Variants in SPTBN1 observed in about 807,000 individuals in gnomAD.
The protein encoded by SPTBN1 is spectrin beta chain, non-erythrocytic 1.
SPTBN1 carries 32 observed loss-of-function variants against 266.4 expected under a neutral mutation model. That is an observed-to-expected ratio of 0.12 (90% confidence interval 0.09 to 0.16). The LOEUF is 0.16. Among genes scored for constraint, SPTBN1 ranks in the 10% least tolerant of loss-of-function variants. SPTBN1 has a pLI of 1.00. For missense variants in SPTBN1, 2,296 were observed against 3,067.1 expected, an observed-to-expected ratio of 0.75 and a Z score of 5.94; for synonymous variants, 1,336 against 1,162.2, an observed-to-expected ratio of 1.15 and a Z score of -3.04.
chr2:54,596,440 T>C (rs1403864225), intron 2 of SPTBN1, among the ~76,000 whole-genome samples: 1 of 152,204 alleles, frequency 6.6e-6, no homozygotes, highest in Non-Finnish European at 1.5e-5. Flanking sequence ...GACTGGGGCT[T>C]TGTGTGTCTC....
intron 1 of SPTBN1, among the ~76,000 whole-genome samples, chr2:54,496,712 C>G (rs149915891): frequency 1.8e-3 from 272 of 152,310 alleles, no homozygotes; most frequent in African/African-American, 5.6e-3. Flanking sequence ...TAATAACAAG[C>G]TATCACTTTG....
At position 54,630,848 on chromosome 2, in the gene SPTBN1, C is replaced by T. The variant is rs1678685487; in HGVS notation, c.2808-7C>T. 4 of 1,564,232 alleles carry T rather than the reference C, an allele frequency of 2.6e-6. No homozygotes were observed. The highest frequency in any genetic ancestry group is 4.5e-5 in the East Asian group (2 of 44,398). On this transcript the variant is annotated splice_polypyrimidine_tract_variant and splice_region_variant and intron_variant, in intron 15 of 35. Coordinates refer to ENST00000356805, the MANE Select transcript of SPTBN1 (RefSeq NM_003128.3). The stretch of plus-strand genomic sequence containing the variant: ...TTCACACTCGCTGTCTGCCCCTGCA[C>T]TCACAGGTGGAGCCAGTTCAGAGAA...
chr2:54,666,987 G>T (rs1437484222), intron 34 of SPTBN1, among the ~76,000 whole-genome samples: 2 of 152,202 alleles, frequency 1.3e-5, no homozygotes, highest in African/African-American at 4.8e-5. Context: ...CCTTCATGCA[G>T]CTTCAGAGAG....
intron 12 of SPTBN1, 138 bp from the exon 13 acceptor site, chr2:54,627,959 C>A: frequency 1.1e-6 from 1 of 940,322 alleles, no homozygotes; most frequent in South Asian, 2.2e-5. Flanking sequence ...CATCATCTTC[C>A]CCTGAAGGTG....
chr2:54,581,371 C>A (rs1234420951), intron 2 of SPTBN1, among the ~76,000 whole-genome samples: 1 of 152,102 alleles, frequency 6.6e-6, no homozygotes, highest in Admixed American at 6.5e-5. Context: ...ATAGGGTCGT[C>A]CGTGAGACAC....
intron 29 of SPTBN1, 140 bp from the exon 30 acceptor site, chr2:54,657,710 G>T: frequency 1.0e-6 from 1 of 970,994 alleles, no homozygotes; most frequent in Non-Finnish European, 1.5e-6. Flanking sequence ...CATTTACATT[G>T]GACAGGGCTA....
At chr2:54,542,509 T>G (rs1283265929) in intron 2 of SPTBN1, among the ~76,000 whole-genome samples, 2 of 152,222 alleles carry the variant, frequency 1.3e-5, no homozygotes, top group Non-Finnish European at 2.9e-5. Flanking sequence ...GGAGTTACGC[T>G]AGAAGCAGCA....
Position 54,576,074 on chromosome 2 carries a change from A to ATTTTTTTTTTTTTTTTTTTTTTTT in SPTBN1, c.149-23018_149-23017insTTTTTTTTTTTTTTTTTTTTTTTT, listed in dbSNP as rs1209132160. Among the ~76,000 whole-genome samples the ATTTTTTTTTTTTTTTTTTTTTTTT allele has an allele frequency of 5.8e-4, 54 of 93,854 alleles. 12 individuals are homozygous for ATTTTTTTTTTTTTTTTTTTTTTTT. The highest frequency in any genetic ancestry group is 1.2e-3 in the African/African-American group (29 of 24,760). The allele number at this position is 93,854 out of a possible 152,430, so 61.6% of individuals were successfully genotyped here. On this transcript the variant is annotated intron_variant, in intron 2 of 35. Coordinates refer to ENST00000356805, the MANE Select transcript of SPTBN1 (RefSeq NM_003128.3). ...ATCCAGCTTTTTTTTTTTTTTTTTG[A>ATTTTTTTTTTTTTTTTTTTTTTTT]GAGACAGTCTGGCTGTGTCTCCCAG...
chr2:54,482,502 GC>G (rs1668151353), intron 1 of SPTBN1, among the ~76,000 whole-genome samples: 1 of 152,194 alleles, frequency 6.6e-6, no homozygotes, highest in Non-Finnish European at 1.5e-5. Context: ...TGTAACATAA[GC>G]CAAGTATGCA....
chr2:54,637,071 T>G (rs1375240748), intron 17 of SPTBN1, among the ~76,000 whole-genome samples: 1 of 152,234 alleles, frequency 6.6e-6, no homozygotes, highest in Non-Finnish European at 1.5e-5. Flanking sequence ...CCCCTTTACC[T>G]TAGCGTTTAC....
chr2:54,623,428 G>A (rs1572699721), intron 9 of SPTBN1, 51 bp from the exon 10 acceptor site: 3 of 1,527,356 alleles, frequency 2.0e-6, no homozygotes, highest in Non-Finnish European at 1.8e-6. Flanking sequence ...GCATGACAGT[G>A]TGAAATTTTT....
chr2:54,578,343 CT>C (rs1428637024), intron 2 of SPTBN1, among the ~76,000 whole-genome samples: 2 of 152,184 alleles, frequency 1.3e-5, no homozygotes, highest in Non-Finnish European at 1.5e-5. Context: ...TTTTTCTTGA[CT>C]TTAAATATTT....
chr2:54,560,949 C>T (rs1673256781), intron 2 of SPTBN1, among the ~76,000 whole-genome samples: 1 of 152,140 alleles, frequency 6.6e-6, no homozygotes, highest in Non-Finnish European at 1.5e-5. Context: ...TCTTTAATTC[C>T]CATCCCTGGT....
In SPTBN1 at chr2:54,649,353, A is replaced by G. The variant is rs941566458; in HGVS notation, c.5202+163A>G. 2.0e-5 allele frequency among the ~76,000 whole-genome samples: 3 copies of G among 152,166 alleles called. No individual in the cohort carries two copies. Among genetic ancestry groups the G allele is most frequent in the Non-Finnish European group, 2.9e-5 (2 of 68,026 alleles). On this transcript the variant is annotated intron_variant, in intron 25 of 35. Transcript: ENST00000356805. The surrounding 1 kb of genome is among the most constrained non-coding windows in gnomAD (Gnocchi z 6.7). The stretch of plus-strand genomic sequence containing the variant: ...TTTCTTTTATAAGCTGGTGACTCGC[A>G]TTTAGGTTGGCTAACCTCTCTGTGC...
At position 54,558,745 on chromosome 2, in the gene SPTBN1, G is replaced by T. The variant is rs1394303592; in HGVS notation, c.148+32179G>T. ...GGAGGGGGCTGGAGCGAGATTTCCA[G>T]GGCGCAGTCCTCCGGGGCGTTACGC... On this transcript the variant is annotated intron_variant, in intron 2 of 35. Transcript: ENST00000356805. This position sits in a 1 kb window ranked among gnomAD's most constrained non-coding sequence, Gnocchi z 4.6. The T allele has an allele frequency of 1.9e-6, 3 of 1,600,804 alleles. No homozygotes were observed. Among genetic ancestry groups the T allele is most frequent in the African/African-American group, 1.3e-5 (1 of 74,664 alleles).
At chr2:54,656,258 C>T (rs1680648228) in intron 29 of SPTBN1, among the ~76,000 whole-genome samples, 2 of 152,216 alleles carry the variant, frequency 1.3e-5, no homozygotes, top group East Asian at 1.9e-4. Context: ...AGGGCACCTC[C>T]CTGGGAGAAT....
In SPTBN1 at chr2:54,483,536, G is replaced by C. The variant is rs185701605; in HGVS notation, c.-48+27018G>C. ...TGTCTGGAAGCCCGCAGTCTGGTCT[G>C]TACCATCCAGGCTCTTTGCTGTGCC... On this transcript the variant is annotated intron_variant, in intron 1 of 35. Coordinates refer to ENST00000356805, the MANE Select transcript of SPTBN1 (RefSeq NM_003128.3). Among the ~76,000 whole-genome samples, 700 of 152,298 alleles carry C rather than the reference G, an allele frequency of 4.6e-3. 3 individuals are homozygous for C. Among genetic ancestry groups the C allele is most frequent in the Middle Eastern group, 0.02 (6 of 294 alleles).
intron 1 of SPTBN1, among the ~76,000 whole-genome samples, chr2:54,490,145 C>T (rs1668609740): frequency 6.7e-6 from 1 of 150,250 alleles, no homozygotes; most frequent in South Asian, 2.1e-4. Context: ...AATCTCAGCT[C>T]ACTGCAACCT....
intron 3 of SPTBN1, among the ~76,000 whole-genome samples, chr2:54,602,153 C>G (rs1676537773): frequency 6.6e-6 from 1 of 152,188 alleles, no homozygotes; most frequent in Non-Finnish European, 1.5e-5. Context: ...TTTCTCATTT[C>G]TTATTCTGAG....
Sources: gnomAD v4.1 joint callset for allele counts (sites outside exome capture counted in the v4.1 genomes callset) on GRCh38, gnomAD v4.1.1 for gene constraint, Gnocchi (gnomAD v3.1) non-coding constraint, MANE v1.5 for transcripts, NCBI Gene and HGNC (gene_info 2026-07-23, HGNC 2026-07-21) for gene names.